Variants in KCTD7 observed in about 807,000 individuals in gnomAD.
KCTD7 encodes BTB/POZ domain-containing protein KCTD7.
A neutral mutation model predicts 27.0 loss-of-function variants in KCTD7; 15 were observed. The observed-to-expected ratio is 0.56, with a 90% CI of 0.37 to 0.86. KCTD7 has a LOEUF of 0.86. Ranked by LOEUF, KCTD7 falls within the 40% of genes least tolerant of loss-of-function variation. The probability of loss-of-function intolerance (pLI) is 0.00; values close to 1 mark genes in which losing one functional copy is unlikely to be tolerated. For synonymous variants in KCTD7, 159 were observed against 162.7 expected, an observed-to-expected ratio of 0.98 and a Z score of 0.17; for missense variants, 299 against 398.9, an observed-to-expected ratio of 0.75 and a Z score of 2.13.
chr7:66,638,413 C>A lies in KCTD7; in HGVS notation c.475C>A (p.Leu159Ile). The A allele has an allele frequency of 1.9e-6, 3 of 1,614,120 alleles. No individual in the cohort carries two copies. Among genetic ancestry groups the A allele is most frequent in the Non-Finnish European group, 2.5e-6 (3 of 1,180,032 alleles). ...GEKVRQAFLG[L>I]MPYYKDHLER... ...GAAGGTGCGCCAAGCGTTTCTGGGA[C>A]TCATGCCCTATTACAAAGGTGAGGG... The change falls in exon 3 of 4, where the codon CTC becomes ATC. Residue 159 changes from leucine (L) to isoleucine (I), a missense_variant. Leu to Ile is a conservative substitution (Grantham distance 5). Transcript: ENST00000639828.
rs1484024225 is a variant in KCTD7 at position 66,641,232 on chromosome 7, ATTG to A, written c.*2003_*2005del. 4.1e-6 allele frequency: 4 copies of A among 985,304 alleles called. No individual in the cohort carries two copies. The Admixed American group carries it at 2.5e-4, about 61-fold the overall frequency. 61.0% of individuals were successfully genotyped at this position (985,304 alleles called of 1,614,324 possible). On this transcript the variant is annotated 3_prime_UTR_variant, in exon 4 of 4. Transcript: ENST00000639828. ...GTTAGCCCCAAAACATGGCTCTTGT[ATTG>A]TTCTAAGAGAAAAGGCTTTCATTTT... is the stretch of plus-strand genomic sequence containing the variant.
At chr7:66,630,877 T>C (rs912493522) in intron 1 of KCTD7, among the ~76,000 whole-genome samples, 21 of 152,340 alleles carry the variant, frequency 1.4e-4, no homozygotes, top group African/African-American at 4.3e-4. Context: ...TCCTCTCTGC[T>C]TCAATCCTCT....
At chr7:66,633,238 C>G (rs779862565) in intron 1 of KCTD7, 37 bp from the exon 2 acceptor site, 12 of 1,609,522 alleles carry the variant, frequency 7.5e-6, no homozygotes, top group African/African-American at 1.3e-5. Context: ...TCTCATTCCC[C>G]GTTGCCTGCC....
Position 66,640,077 on chromosome 7 carries a change from T to C in KCTD7, c.*845T>C. The C allele has an allele frequency of 7.9e-7, 1 of 1,271,928 alleles. No homozygotes were observed. The highest frequency in any genetic ancestry group is 9.9e-7 in the Non-Finnish European group (1 of 1,013,238). 78.8% of individuals were successfully genotyped at this position (1,271,928 alleles called of 1,614,324 possible). The stretch of plus-strand genomic sequence containing the variant: ...TATCTTTGACATGTAACATCCTTTT[T>C]AGAGGCTCAGAACACCTCCTTGGCT... On this transcript the variant is annotated 3_prime_UTR_variant, in exon 4 of 4. Coordinates refer to ENST00000639828, the MANE Select transcript of KCTD7 (RefSeq NM_153033.5).
At chr7:66,632,704 C>T (rs1480897300) in intron 1 of KCTD7, among the ~76,000 whole-genome samples, 1 of 151,878 alleles carries the variant, frequency 6.6e-6, no homozygotes, top group African/African-American at 2.4e-5. Flanking sequence ...AAGGCTTGAG[C>T]TCTAGAGCAG....
At chr7:66,632,283 C>G (rs532061490) in intron 1 of KCTD7, among the ~76,000 whole-genome samples, 11 of 151,774 alleles carry the variant, frequency 7.2e-5, no homozygotes, top group Admixed American at 5.9e-4. Flanking sequence ...GTCAGGAGAT[C>G]GAGACAATCC....
At chr7:66,638,722 C>T in intron 3 of KCTD7, 134 bp from the exon 4 acceptor site, 1 of 1,144,862 alleles carries the variant, frequency 8.7e-7, no homozygotes, top group Non-Finnish European at 1.3e-6. Context: ...TCATTGGCCC[C>T]CTGAGTCCCT....
In KCTD7 at chr7:66,641,206, G is replaced by T. The variant is rs1189295007; in HGVS notation, c.*1974G>T. On this transcript the variant is annotated 3_prime_UTR_variant, in exon 4 of 4. Transcript: ENST00000639828. ...TCTGGAGCTGATGTCCCTGCTTGGA[G>T]GTTAGCCCCAAAACATGGCTCTTGT... 3 of 985,288 alleles carry T rather than the reference G, an allele frequency of 3.0e-6. No individual in the cohort carries two copies. The highest frequency in any genetic ancestry group is 1.7e-5 in the African/African-American group (1 of 57,214). The allele number at this position is 985,288 out of a possible 1,614,324, so 61.0% of individuals were successfully genotyped here.
intron 1 of KCTD7, among the ~76,000 whole-genome samples, chr7:66,630,219 A>C (rs779961219): frequency 1.3e-5 from 2 of 152,250 alleles, no homozygotes; most frequent in Non-Finnish European, 2.9e-5. Context: ...GTGAGCTGTA[A>C]TTGTGCCACT....
intron 2 of KCTD7, 44 bp downstream of exon 2, chr7:66,633,488 G>C (rs1411426247): frequency 1.3e-6 from 2 of 1,590,458 alleles, no homozygotes; most frequent in Admixed American, 3.3e-5. Flanking sequence ...CCTAGCAGGT[G>C]ATTAGCGTAG....
At position 66,638,845 on chromosome 7, in the gene KCTD7, C is replaced by T. The variant is rs746601430; in HGVS notation, c.494-11C>T. The stretch of plus-strand genomic sequence containing the variant: ...TCACCCTAGTGATAGGTGTTGTGTT[C>T]ATCCTTATAGACCACTTGGAGCGGA... On this transcript the variant is annotated splice_polypyrimidine_tract_variant and intron_variant, in intron 3 of 3. Coordinates refer to ENST00000639828, the MANE Select transcript of KCTD7 (RefSeq NM_153033.5). The T allele has an allele frequency of 1.1e-5, 17 of 1,613,728 alleles. No homozygotes were observed. The highest frequency in any genetic ancestry group is 1.7e-5 in the Admixed American group (1 of 59,994).
In KCTD7 at chr7:66,642,468, C is replaced by A; in HGVS notation, c.*3236C>A. ...GGAAGTGACATTTATAAGACACAGG[C>A]GGTGTGAGCATCCATGTGTGGTCTT... On this transcript the variant is annotated 3_prime_UTR_variant, in exon 4 of 4. Transcript: ENST00000639828. 7.1e-6 allele frequency: 7 copies of A among 985,412 alleles called. No individual in the cohort carries two copies. Among genetic ancestry groups the A allele is most frequent in the Non-Finnish European group, 8.4e-6 (7 of 829,938 alleles). 61.0% of individuals were successfully genotyped at this position (985,412 alleles called of 1,614,324 possible).
rs764365979 is a variant in KCTD7 at position 66,629,059 on chromosome 7, A to G, written c.-6A>G. 9.9e-6 allele frequency: 15 copies of G among 1,514,504 alleles called. No individual in the cohort carries two copies. The highest frequency in any genetic ancestry group is 1.2e-5 in the Non-Finnish European group (14 of 1,130,560). The allele number at this position is 1,514,504 out of a possible 1,614,324, so 93.8% of individuals were successfully genotyped here. On this transcript the variant is annotated 5_prime_UTR_variant, in exon 1 of 4. Coordinates refer to ENST00000639828, the MANE Select transcript of KCTD7 (RefSeq NM_153033.5). ...GAAGCCGCGCCCACTGCCCAGAGCC[A>G]GAGGGATGGTGGTAGTCACGGGGCG...
rs537288495 is a variant in KCTD7 at position 66,628,960 on chromosome 7, C to G, written c.-105C>G. On this transcript the variant is annotated 5_prime_UTR_variant, in exon 1 of 4. Transcript: ENST00000639828. The stretch of plus-strand genomic sequence containing the variant: ...CTGCCTCTCGCCCCCCTCCGGCCAG[C>G]CCGCAGCCGGCCGCGTCATGCCAGG... The G allele has an allele frequency of 8.1e-7, 1 of 1,232,154 alleles. No homozygotes were observed. The highest frequency in any genetic ancestry group is 1.1e-6 in the Non-Finnish European group (1 of 933,764). 76.3% of individuals were successfully genotyped at this position (1,232,154 alleles called of 1,614,324 possible).
At chr7:66,632,678 A>G (rs1004986302) in intron 1 of KCTD7, among the ~76,000 whole-genome samples, 3 of 151,988 alleles carry the variant, frequency 2.0e-5, no homozygotes, top group African/African-American at 7.3e-5. Context: ...TAAATTCAGG[A>G]AGTGAAAGGA....
At chr7:66,634,303 T>G (rs1786535538) in intron 2 of KCTD7, among the ~76,000 whole-genome samples, 1 of 151,764 alleles carries the variant, frequency 6.6e-6, no homozygotes, top group South Asian at 2.1e-4. Context: ...TCCTCCCACC[T>G]TGGCCTCCTA....
At chr7:66,630,101 C>T (rs1455720663) in intron 1 of KCTD7, among the ~76,000 whole-genome samples, 2 of 152,096 alleles carry the variant, frequency 1.3e-5, no homozygotes, top group African/African-American at 2.4e-5. Context: ...GAGACCCTGC[C>T]TCTACAAAAA....
chr7:66,637,034 C>A (rs1465236436), intron 2 of KCTD7, among the ~76,000 whole-genome samples: 1 of 152,192 alleles, frequency 6.6e-6, no homozygotes, highest in Admixed American at 6.5e-5. Context: ...GACTGAATGA[C>A]TCTACTGCTA....
At position 66,633,255 on chromosome 7, in the gene KCTD7, C is replaced by A; in HGVS notation, c.145-20C>A. The stretch of plus-strand genomic sequence containing the variant: ...TCATTCCCCGTTGCCTGCCTGAGAG[C>A]CCTGGTGATTTCTTTCCAGTTTCCT... On this transcript the variant is annotated intron_variant, in intron 1 of 3. Transcript: ENST00000639828. The A allele has an allele frequency of 2.5e-6, 4 of 1,613,438 alleles. No homozygotes were observed. The highest frequency in any genetic ancestry group is 3.4e-6 in the Non-Finnish European group (4 of 1,179,732).
Sources: allele counts gnomAD v4.1 joint callset (sites outside exome capture counted in the v4.1 genomes callset), GRCh38; gene constraint gnomAD v4.1.1; transcripts MANE v1.5; gene names NCBI Gene and HGNC (gene_info 2026-07-23, HGNC 2026-07-21).